CDH10: variants seen among roughly 807,000 people sequenced by gnomAD.
CDH10 encodes cadherin 10.
A neutral mutation model predicts 73.1 loss-of-function variants in CDH10; 30 were observed. The ratio of observed to expected loss-of-function variants is 0.41; its 90% CI spans 0.31 to 0.56. The LOEUF (loss-of-function observed/expected upper bound fraction) is 0.56, where lower values mean the gene tolerates loss of function less well. Ranked by LOEUF, CDH10 falls within the 20% of genes least tolerant of loss-of-function variation. The probability of loss-of-function intolerance (pLI) is 0.27; values close to 1 mark genes in which losing one functional copy is unlikely to be tolerated. For synonymous variants in CDH10, 345 were observed against 348.2 expected, an observed-to-expected ratio of 0.99 and a Z score of 0.10; for missense variants, 815 against 973.7, an observed-to-expected ratio of 0.84 and a Z score of 2.17.
At chr5:24,605,920 C>A (rs1037129318) in intron 1 of CDH10, among the ~76,000 whole-genome samples, 1 of 152,192 alleles carries the variant, frequency 6.6e-6, no homozygotes, top group Non-Finnish European at 1.5e-5. Flanking sequence ...AATCAATTGA[C>A]ACACGGATGA....
At chr5:24,541,594 A>C (rs528345054) in intron 2 of CDH10, among the ~76,000 whole-genome samples, 2 of 152,242 alleles carry the variant, frequency 1.3e-5, no homozygotes, top group East Asian at 3.9e-4. Context: ...TCTACTTTGA[A>C]AGATATGACT....
chr5:24,637,413 T>A (rs1334728728), intron 1 of CDH10, among the ~76,000 whole-genome samples: 1 of 152,002 alleles, frequency 6.6e-6, no homozygotes. Context: ...ACCATCTAAT[T>A]CTACTACTAT....
chr5:24,500,555 C>A (rs886281765), intron 8 of CDH10, among the ~76,000 whole-genome samples: 1 of 152,216 alleles, frequency 6.6e-6, no homozygotes, highest in Non-Finnish European at 1.5e-5. Flanking sequence ...TGCTTTGATT[C>A]CCAAGTTCAC....
At chr5:24,628,883 C>T (rs561704690) in intron 1 of CDH10, among the ~76,000 whole-genome samples, 22 of 140,240 alleles carry the variant, frequency 1.6e-4, no homozygotes, top group African/African-American at 5.0e-4. Flanking sequence ...CAGACACACA[C>T]ACATTCTATG....
At chr5:24,496,736 A>G (rs1742303170) in intron 9 of CDH10, among the ~76,000 whole-genome samples, 2 of 152,208 alleles carry the variant, frequency 1.3e-5, no homozygotes, top group Admixed American at 6.5e-5. Context: ...TCCTAGGAGA[A>G]GGAGAGTCAG....
intron 5 of CDH10, among the ~76,000 whole-genome samples, chr5:24,516,083 C>A (rs1045454481): frequency 2.0e-5 from 3 of 152,110 alleles, no homozygotes; most frequent in Admixed American, 2.0e-4. Flanking sequence ...AATACAATGA[C>A]CCTGACACTT....
At position 24,542,248 on chromosome 5, in the gene CDH10, G is replaced by A. The variant is rs1295450653; in HGVS notation, c.232-4574C>T. Among the ~76,000 whole-genome samples, 7 of 152,238 alleles carry A rather than the reference G, an allele frequency of 4.6e-5. No individual in the cohort carries two copies. In the South Asian group the frequency reaches 1.2e-3, roughly 27 times the overall value. On this transcript the variant is annotated intron_variant, in intron 2 of 11. Transcript: ENST00000264463. Reference sequence around the variant, plus strand: ...TGTTTATCCAGTGGAAATGAAATAAGCTTACACGTAAGTATATGGACAGTG... The same window carrying A: ...TGTTTATCCAGTGGAAATGAAATAAACTTACACGTAAGTATATGGACAGTG...
At chr5:24,589,227 G>C (rs1195816165) in intron 2 of CDH10, among the ~76,000 whole-genome samples, 1 of 152,088 alleles carries the variant, frequency 6.6e-6, no homozygotes, top group Non-Finnish European at 1.5e-5. Flanking sequence ...GGATGACCAC[G>C]AGGCTGGAGA....
At chr5:24,618,952 GTT>G (rs1350491096) in intron 1 of CDH10, among the ~76,000 whole-genome samples, 2 of 152,096 alleles carry the variant, frequency 1.3e-5, no homozygotes, top group Admixed American at 6.5e-5. Flanking sequence ...TATTTTAATT[GTT>G]TTAATGTGTT....
At chr5:24,553,403 T>C (rs569557035) in intron 2 of CDH10, among the ~76,000 whole-genome samples, 1 of 152,252 alleles carries the variant, frequency 6.6e-6, no homozygotes, top group East Asian at 1.9e-4. Context: ...GCTCCATTTT[T>C]CTTGCTCAGT....
At chr5:24,631,346 T>C (rs548872072) in intron 1 of CDH10, among the ~76,000 whole-genome samples, 48 of 152,250 alleles carry the variant, frequency 3.2e-4, no homozygotes, top group Admixed American at 4.6e-4. Context: ...GCTTATTTTT[T>C]ATCATATCTT....
At chr5:24,599,166 G>T (rs1341727167) in intron 1 of CDH10, among the ~76,000 whole-genome samples, 1 of 152,118 alleles carries the variant, frequency 6.6e-6, no homozygotes, top group Non-Finnish European at 1.5e-5. Context: ...GCTGCCTCCT[G>T]AAAGTCTCAT....
At chr5:24,531,789 T>G (rs1050259657) in intron 5 of CDH10, among the ~76,000 whole-genome samples, 1 of 152,052 alleles carries the variant, frequency 6.6e-6, no homozygotes, top group African/African-American at 2.4e-5. Context: ...TCAATGGTAT[T>G]TGGTGCAAGG....
intron 2 of CDH10, among the ~76,000 whole-genome samples, chr5:24,551,499 G>T (rs753234876): frequency 6.6e-6 from 1 of 151,888 alleles, no homozygotes; most frequent in African/African-American, 2.4e-5. Flanking sequence ...TTCATTTTAT[G>T]GTTACTCCTC....
At chr5:24,597,276 G>A (rs189996925) in intron 1 of CDH10, among the ~76,000 whole-genome samples, 57 of 152,128 alleles carry the variant, frequency 3.7e-4, no homozygotes, top group African/African-American at 1.2e-3. Context: ...GTCTGGTGTG[G>A]GGCATAAGAT....
chr5:24,565,587 C>G (rs10070346), intron 2 of CDH10, among the ~76,000 whole-genome samples: 133 of 152,172 alleles, frequency 8.7e-4, no homozygotes, highest in African/African-American at 3.1e-3. Flanking sequence ...TTGACCCCCA[C>G]CAAATTTAAA....
chr5:24,594,324 A>C (rs1404139164), intron 1 of CDH10, among the ~76,000 whole-genome samples: 1 of 151,946 alleles, frequency 6.6e-6, no homozygotes, highest in Non-Finnish European at 1.5e-5. Flanking sequence ...ACTATACCCC[A>C]GGCTGACTAT....
intron 1 of CDH10, among the ~76,000 whole-genome samples, chr5:24,609,402 A>ACAACCTCACAGAGC (rs1348012018): frequency 6.6e-6 from 1 of 152,076 alleles, no homozygotes; most frequent in Non-Finnish European, 1.5e-5. Context: ...GAGTAAGAGG[A>ACAACCTCACAGAGC]CAACCTCACA....
chr5:24,512,289 G>A (rs549663080), intron 5 of CDH10, among the ~76,000 whole-genome samples: 2 of 152,072 alleles, frequency 1.3e-5, no homozygotes, highest in South Asian at 4.1e-4. Context: ...AGAGACGCAA[G>A]CCACGCACCA....
Sources: allele counts gnomAD v4.1 joint callset (sites outside exome capture counted in the v4.1 genomes callset), GRCh38; gene constraint gnomAD v4.1.1; transcripts MANE v1.5; gene names NCBI Gene and HGNC (gene_info 2026-07-23, HGNC 2026-07-21).